The following CTNNA3 variants were observed in gnomAD, a reference collection of about 807,000 sequenced individuals.
CTNNA3 encodes catenin alpha 3.
A neutral mutation model predicts 95.7 loss-of-function variants in CTNNA3; 76 were observed. The ratio of observed to expected loss-of-function variants is 0.79; its 90% CI spans 0.66 to 0.96. The LOEUF is 0.96. Ranked by LOEUF, CTNNA3 falls within the 40% of genes least tolerant of loss-of-function variation. The pLI is 0.00. For missense variants in CTNNA3, 1,191 were observed against 1,089.8 expected (o/e 1.09, Z -1.31); for synonymous variants, 431 against 374.4 (o/e 1.15, Z -1.74).
chr10:67,736,091 C>T (rs1472074969), intron 1 of CTNNA3, among the ~76,000 whole-genome samples: 1 of 152,088 alleles, frequency 6.6e-6, no homozygotes, highest in East Asian at 1.9e-4. Context: ...TATATACATA[C>T]AATGAAATAT....
chr10:67,364,474 C>T (rs980637903), intron 5 of CTNNA3, among the ~76,000 whole-genome samples: 6 of 152,024 alleles, frequency 3.9e-5, no homozygotes, highest in Admixed American at 2.6e-4. Flanking sequence ...CTGGCCAGGG[C>T]AATTAGGCAG....
chr10:67,563,529 C>G lies in CTNNA3; in HGVS notation c.293-23860G>C, dbSNP rs548412120. ...AAGATTTAAATGTCAGACCTAAAAC[C>G]ATAAGAGCCCTAGAAGAAAACCTAG... is the stretch of plus-strand genomic sequence containing the variant. On this transcript the variant is annotated intron_variant, in intron 3 of 17. Transcript: ENST00000433211. Among the ~76,000 whole-genome samples, 5 of 152,148 alleles carry G rather than the reference C, an allele frequency of 3.3e-5. No homozygotes were observed. In the South Asian group the frequency reaches 1.0e-3, roughly 32 times the overall value.
intron 1 of CTNNA3, among the ~76,000 whole-genome samples, chr10:67,688,528 G>A (rs563253396): frequency 2.0e-5 from 3 of 152,196 alleles, no homozygotes; most frequent in East Asian, 1.9e-4. Flanking sequence ...AAGTCAAGCT[G>A]CAGGATAGGA....
chr10:67,276,975 T>A (rs1839201810), intron 5 of CTNNA3, among the ~76,000 whole-genome samples: 1 of 152,088 alleles, frequency 6.6e-6, no homozygotes, highest in Non-Finnish European at 1.5e-5. Context: ...ATGTTAAGGC[T>A]GGCCCAAAGT....
intron 7 of CTNNA3, among the ~76,000 whole-genome samples, chr10:67,092,923 T>C (rs1161023262): frequency 1.3e-5 from 2 of 152,036 alleles, no homozygotes; most frequent in Non-Finnish European, 1.5e-5. Context: ...CTACTCATTA[T>C]TACAATAGCA....
intron 9 of CTNNA3, among the ~76,000 whole-genome samples, chr10:66,708,663 A>G (rs1298457320): frequency 1.3e-5 from 2 of 152,092 alleles, no homozygotes; most frequent in Non-Finnish European, 2.9e-5. Flanking sequence ...AAATTTCAGG[A>G]AAGATATAGC....
At chr10:67,701,162 A>G (rs538407234), upstream of CTNNA3, among the ~76,000 whole-genome samples, 111 of 152,330 alleles carry the variant, frequency 7.3e-4, no homozygotes, top group African/African-American at 2.5e-3. Flanking sequence ...GTGTACCTGA[A>G]AGTGATGGGC....
rs532096748 is a variant in CTNNA3, at chr10:67,587,239, G to A, written c.292+19618C>T. Reference sequence around the variant, plus strand: ...TGTGTGTGTGTGTGTGTGTGTGTGTGTGTAGAGCCAGAGTCTCACTATGTT... The same window carrying A: ...TGTGTGTGTGTGTGTGTGTGTGTGTATGTAGAGCCAGAGTCTCACTATGTT... On this transcript the variant is annotated intron_variant, in intron 3 of 17. Transcript: ENST00000433211. Among the ~76,000 whole-genome samples, 61 of 145,612 alleles carry A rather than the reference G, an allele frequency of 4.2e-4. 1 individual carries two copies. In the South Asian group the frequency reaches 5.6e-3, roughly 13 times the overall value.
chr10:67,339,799 T>C (rs926024952), intron 5 of CTNNA3, among the ~76,000 whole-genome samples: 1 of 152,218 alleles, frequency 6.6e-6, no homozygotes, highest in Non-Finnish European at 1.5e-5. Context: ...ATTATTGTTG[T>C]TCTAGCCATT....
chr10:66,771,242 T>A (rs188508268), intron 8 of CTNNA3, among the ~76,000 whole-genome samples: 215 of 152,330 alleles, frequency 1.4e-3, no homozygotes, highest in African/African-American at 5.0e-3. Context: ...GACATTTTTC[T>A]TAATATACAC....
chr10:67,562,001 C>T (rs1216264472), intron 3 of CTNNA3, among the ~76,000 whole-genome samples: 3 of 152,124 alleles, frequency 2.0e-5, no homozygotes, highest in African/African-American at 7.2e-5. Flanking sequence ...TAATCAATAG[C>T]TTACCAACCA....
At chr10:66,910,470 C>T (rs949104170) in intron 7 of CTNNA3, among the ~76,000 whole-genome samples, 7 of 152,120 alleles carry the variant, frequency 4.6e-5, no homozygotes, top group African/African-American at 1.7e-4. Flanking sequence ...CCTAGAATAG[C>T]CAACTCATAA....
chr10:66,947,345 A>G (rs1056776922), intron 7 of CTNNA3, among the ~76,000 whole-genome samples: 1 of 152,108 alleles, frequency 6.6e-6, no homozygotes, highest in Admixed American at 6.6e-5. Flanking sequence ...GAGCTATCAC[A>G]CTCAATGCTG....
chr10:67,414,432 C>A (rs1282293709), intron 5 of CTNNA3, among the ~76,000 whole-genome samples: 2 of 151,992 alleles, frequency 1.3e-5, no homozygotes, highest in Non-Finnish European at 2.9e-5. Context: ...GAAATTGAAT[C>A]AATAATAAAG....
chr10:66,012,154 T>C (rs114926217), intron 15 of CTNNA3, among the ~76,000 whole-genome samples: 1,915 of 152,308 alleles, frequency 0.013, 32 homozygotes, highest in African/African-American at 0.044. Flanking sequence ...TAGGCATTTG[T>C]ATCCATAAGG....
At chr10:66,791,613 A>G (rs754955213) in intron 7 of CTNNA3, among the ~76,000 whole-genome samples, 9 of 152,182 alleles carry the variant, frequency 5.9e-5, no homozygotes, top group Non-Finnish European at 8.8e-5. Flanking sequence ...CTCTCCCCCA[A>G]TAGATATGAA....
intron 5 of CTNNA3, among the ~76,000 whole-genome samples, chr10:67,375,487 A>T (rs1417250440): frequency 6.6e-6 from 1 of 152,044 alleles, no homozygotes; most frequent in African/African-American, 2.4e-5. Context: ...ATGGCATGTT[A>T]CTGTAATCCC....
At chr10:67,467,798 C>A (rs867104128) in intron 5 of CTNNA3, among the ~76,000 whole-genome samples, 11 of 151,972 alleles carry the variant, frequency 7.2e-5, no homozygotes, top group Admixed American at 2.0e-4. Flanking sequence ...GCAGCCTCGA[C>A]CTCCTGGGCT....
At chr10:66,415,446 G>A (rs774313635) in intron 11 of CTNNA3, among the ~76,000 whole-genome samples, 2 of 152,040 alleles carry the variant, frequency 1.3e-5, no homozygotes, top group Non-Finnish European at 2.9e-5. Context: ...TCACACCACT[G>A]CCACTCGCAT....
Sources: allele counts gnomAD v4.1 joint callset (sites outside exome capture counted in the v4.1 genomes callset), GRCh38; gene constraint gnomAD v4.1.1; transcripts MANE v1.5; gene names NCBI Gene and HGNC (gene_info 2026-07-23, HGNC 2026-07-21).